CRIM1: variants seen among roughly 807,000 people sequenced by gnomAD.
CRIM1 encodes cysteine rich transmembrane BMP regulator 1.
In CRIM1, 32 loss-of-function variants were observed where a neutral mutation model predicts 116.4. The ratio of observed to expected loss-of-function variants is 0.27; its 90% CI spans 0.21 to 0.37. The LOEUF (loss-of-function observed/expected upper bound fraction) is 0.37. Ranked by LOEUF, CRIM1 falls within the 10% of genes least tolerant of loss-of-function variation. The probability of loss-of-function intolerance (pLI) is 1.00; values close to 1 mark genes in which losing one functional copy is unlikely to be tolerated. For synonymous variants in CRIM1, 590 were observed against 509.2 expected, an observed-to-expected ratio of 1.16 and a Z score of -2.13; for missense variants, 1,331 against 1,354.8, an observed-to-expected ratio of 0.98 and a Z score of 0.28.
chr2:36,471,739 ACACACACACACACACACACACC>A (rs1262110174), intron 5 of CRIM1, among the ~76,000 whole-genome samples: 1 of 147,184 alleles, frequency 6.8e-6, no homozygotes, highest in Non-Finnish European at 1.5e-5. Flanking sequence ...ACACACACAC[ACACACACACACACACACACACC>A]ATCTTACAAT....
In CRIM1 at chr2:36,499,226, C is replaced by A; in HGVS notation, c.1380C>A (p.Thr460=). The A allele has an allele frequency of 6.2e-7, 1 of 1,609,162 alleles. No individual in the cohort carries two copies. The highest frequency in any genetic ancestry group is 8.5e-7 in the Non-Finnish European group (1 of 1,175,774). Residue 460 remains threonine (T), a synonymous_variant, in exon 8 of 17, where the codon ACC becomes ACA. Transcript: ENST00000280527. ...GECCPVCEEP[T]IITVDPPACG... is the part of the protein sequence containing the mutation. ...TTCTCTATTTATTATTAGAACCAAC[C>A]ATCATCACAGTTGATCCACCTGCAT...
intron 5 of CRIM1, among the ~76,000 whole-genome samples, chr2:36,470,079 T>G (rs1047793263): frequency 1.3e-5 from 2 of 152,222 alleles, no homozygotes; most frequent in African/African-American, 4.8e-5. Flanking sequence ...CTAGTCCACA[T>G]TCACAACTTT....
At chr2:36,360,040 G>A (rs886624305) in intron 1 of CRIM1, among the ~76,000 whole-genome samples, 10 of 152,172 alleles carry the variant, frequency 6.6e-5, no homozygotes, top group African/African-American at 2.4e-4. Context: ...TTGGAGGATC[G>A]AAGGCAGAGT....
rs552386280 is a variant in CRIM1, at chr2:36,357,289, G to A, written c.331+666G>A. 2.0e-5 allele frequency among the ~76,000 whole-genome samples: 3 copies of A among 152,278 alleles called. No individual in the cohort carries two copies. In the South Asian group the frequency reaches 6.2e-4, roughly 32 times the overall value. Reference sequence around the variant, plus strand: ...AAGGCTTTCTCTCCTGAAAGGAAAGGGGGGTGGGGGTTGCACCTGGGAGTA... The same window carrying A: ...AAGGCTTTCTCTCCTGAAAGGAAAGAGGGGTGGGGGTTGCACCTGGGAGTA... On this transcript the variant is annotated intron_variant, in intron 1 of 16. Coordinates refer to ENST00000280527, the MANE Select transcript of CRIM1 (RefSeq NM_016441.3).
At chr2:36,439,062 T>TA (rs1172486312) in intron 2 of CRIM1, among the ~76,000 whole-genome samples, 2 of 152,198 alleles carry the variant, frequency 1.3e-5, no homozygotes, top group East Asian at 1.9e-4. Context: ...ATGTGGGTGA[T>TA]AGCCACAGGG....
intron 1 of CRIM1, among the ~76,000 whole-genome samples, chr2:36,360,436 A>G (rs1669144078): frequency 6.6e-6 from 1 of 152,138 alleles, no homozygotes; most frequent in Non-Finnish European, 1.5e-5. Context: ...CACCATTGCT[A>G]TCTAAAAACG....
chr2:36,478,275 A>G (rs1227938829), intron 6 of CRIM1, among the ~76,000 whole-genome samples: 1 of 152,220 alleles, frequency 6.6e-6, no homozygotes, highest in Admixed American at 6.5e-5. Context: ...GATGTTGACA[A>G]TTAAAAAGAA....
rs1255311773 is a variant in CRIM1 at position 36,377,677 on chromosome 2, A to G, written c.332-18937A>G. Among the ~76,000 whole-genome samples, 6 of 152,344 alleles carry G rather than the reference A, an allele frequency of 3.9e-5. No individual in the cohort carries two copies. In the East Asian group the frequency reaches 7.7e-4, roughly 20 times the overall value. ...CACAGTAAATGTACATTGTCATTGTATCTTTGTACCTCAACATCTGAAACT... is the reference window on the plus strand; with the variant it reads ...CACAGTAAATGTACATTGTCATTGTGTCTTTGTACCTCAACATCTGAAACT... On this transcript the variant is annotated intron_variant, in intron 1 of 16. Coordinates refer to ENST00000280527, the MANE Select transcript of CRIM1 (RefSeq NM_016441.3).
chr2:36,370,577 A>C (rs1669878102), intron 1 of CRIM1, among the ~76,000 whole-genome samples: 2 of 152,228 alleles, frequency 1.3e-5, no homozygotes, highest in Non-Finnish European at 1.5e-5. Flanking sequence ...CAAAAGAAAT[A>C]CATAATTACA....
intron 1 of CRIM1, among the ~76,000 whole-genome samples, chr2:36,367,612 A>G (rs1669684047): frequency 6.6e-6 from 1 of 152,226 alleles, no homozygotes; most frequent in Non-Finnish European, 1.5e-5. Context: ...GAAGTGATAG[A>G]CAGGAGTCGA....
chr2:36,412,725 T>C (rs1673308991), intron 2 of CRIM1, among the ~76,000 whole-genome samples: 1 of 152,158 alleles, frequency 6.6e-6, no homozygotes, highest in Non-Finnish European at 1.5e-5. Flanking sequence ...ACATCTTAAA[T>C]TTATATATCT....
intron 11 of CRIM1, among the ~76,000 whole-genome samples, chr2:36,515,352 T>A (rs540435019): frequency 8.5e-5 from 13 of 152,368 alleles, no homozygotes; most frequent in African/African-American, 2.9e-4. Flanking sequence ...GTGAAGTTGT[T>A]GTTGATACCT....
rs554962209 is a variant in CRIM1, at chr2:36,548,624, G to C, written c.3034G>C (p.Asp1012His). The C allele has an allele frequency of 1.2e-6, 2 of 1,612,940 alleles. No homozygotes were observed. The highest frequency in any genetic ancestry group is 1.1e-5 in the South Asian group (1 of 90,924). ...SQRMLRIAEP[D>H]ARFSGFYSMQ... Reference sequence around the variant, plus strand: ...GAGAATGCTAAGAATTGCAGAACCAGATGCAAGATTCAGTGGCTTCTACAG... The same window carrying C: ...GAGAATGCTAAGAATTGCAGAACCACATGCAAGATTCAGTGGCTTCTACAG... The change falls in exon 17 of 17, where the codon GAT (aspartate) becomes CAT (histidine). Residue 1012 changes from aspartate to histidine, a missense_variant. Physicochemically the swap from Asp to His is moderately conservative, Grantham distance 81. This residue lies in a region of CRIM1 where 283 missense variants were observed against 242.8 expected (regional missense o/e 1.17). Transcript: ENST00000280527.
chr2:36,545,786 A>G (rs573531637), intron 15 of CRIM1, among the ~76,000 whole-genome samples: 1 of 152,288 alleles, frequency 6.6e-6, no homozygotes, highest in South Asian at 2.1e-4. Context: ...TGTATGACAC[A>G]TATTCCTAAA....
At chr2:36,517,126 C>CA (rs1665082034) in intron 11 of CRIM1, among the ~76,000 whole-genome samples, 1 of 152,176 alleles carries the variant, frequency 6.6e-6, no homozygotes, top group Non-Finnish European at 1.5e-5. Flanking sequence ...ACTTGAACCT[C>CA]ACGTCCTAAT....
At chr2:36,407,140 A>G (rs865976378) in intron 2 of CRIM1, among the ~76,000 whole-genome samples, 1 of 152,312 alleles carries the variant, frequency 6.6e-6, no homozygotes, top group Middle Eastern at 3.4e-3. Flanking sequence ...CCATTATGCA[A>G]CTTTAAATTT....
intron 2 of CRIM1, among the ~76,000 whole-genome samples, chr2:36,401,996 C>T (rs1410888853): frequency 1.3e-5 from 2 of 152,104 alleles, no homozygotes; most frequent in African/African-American, 4.8e-5. Flanking sequence ...TCTGCCATCC[C>T]CTAAGTACAG....
chr2:36,512,136 T>C, intron 9 of CRIM1, 137 bp from the exon 10 acceptor site: 1 of 1,034,458 alleles, frequency 9.7e-7, no homozygotes, highest in Non-Finnish European at 1.4e-6. Flanking sequence ...TACCCATCAC[T>C]CCAGGAATCT....
Position 36,549,580 on chromosome 2 carries a change from T to C in CRIM1, c.*879T>C, listed in dbSNP as rs907540376. On this transcript the variant is annotated 3_prime_UTR_variant, in exon 17 of 17. Transcript: ENST00000280527. ...TTGTTGTTGCTTTGTTCTGTTATATTGTTGGTTGTTCATAGTTTTTGTTGA... is the reference window on the plus strand; with the variant it reads ...TTGTTGTTGCTTTGTTCTGTTATATCGTTGGTTGTTCATAGTTTTTGTTGA... 2.6e-5 allele frequency: 4 copies of C among 152,636 alleles called. No homozygotes were observed. In the South Asian group the frequency reaches 6.2e-4, roughly 24 times the overall value. The allele number at this position is 152,636 out of a possible 1,614,324, so 9.5% of individuals were successfully genotyped here. A position where few individuals can be genotyped will look rare whatever the true frequency, so the allele number is the denominator to read the frequency against.
Sources: allele counts gnomAD v4.1 joint callset (sites outside exome capture counted in the v4.1 genomes callset), GRCh38; gene constraint gnomAD v4.1.1; regional missense constraint gnomAD v4.1.1; transcripts MANE v1.5; gene names NCBI Gene and HGNC (gene_info 2026-07-23, HGNC 2026-07-21).